FYN: variants seen among roughly 807,000 people sequenced by gnomAD.
The protein encoded by FYN is tyrosine-protein kinase Fyn.
A neutral mutation model predicts 70.2 loss-of-function variants in FYN; 10 were observed. The observed-to-expected ratio is 0.14, with a 90% confidence interval of 0.09 to 0.24. The LOEUF (loss-of-function observed/expected upper bound fraction) is 0.24, where lower values mean the gene tolerates loss of function less well. FYN is among the 10% of genes least tolerant of loss of function. FYN has a pLI of 1.00. For missense variants in FYN, 319 were observed against 673.1 expected (o/e 0.47, Z 5.82); for synonymous variants, 236 against 248.6 (o/e 0.95, Z 0.48).
rs537807472 is a variant in FYN, at chr6:111,790,040, G to A, written c.-81-9405C>T. 9.2e-5 allele frequency among the ~76,000 whole-genome samples: 14 copies of A among 152,242 alleles called. No homozygotes were observed. The East Asian group carries it at 2.5e-3, about 27-fold the overall frequency. ...CCAGAACCTTGGGGCTGAACGGAAT[G>A]TTAAAGAATAACTAGTCTGATAGTT... On this transcript the variant is annotated intron_variant, in intron 2 of 13. Coordinates refer to ENST00000354650, the MANE Select transcript of FYN (RefSeq NM_002037.5).
chr6:111,698,171 G>C (rs1323467847), intron 9 of FYN, among the ~76,000 whole-genome samples: 1 of 132,862 alleles, frequency 7.5e-6, no homozygotes, highest in African/African-American at 4.1e-5. Context: ...TGTTGCCCAG[G>C]CTGGAGTGCA....
intron 3 of FYN, among the ~76,000 whole-genome samples, chr6:111,766,324 C>T (rs748996002): frequency 1.3e-5 from 2 of 152,158 alleles, no homozygotes; most frequent in Non-Finnish European, 2.9e-5. Flanking sequence ...TCAAGCTCAC[C>T]TCCCACACCA....
At chr6:111,667,664 C>G (rs1265767063) in intron 13 of FYN, among the ~76,000 whole-genome samples, 2 of 152,240 alleles carry the variant, frequency 1.3e-5, no homozygotes, top group Admixed American at 1.3e-4. Context: ...AGTGACTTGA[C>G]TTCCCTTGAA....
intron 3 of FYN, among the ~76,000 whole-genome samples, chr6:111,775,497 C>T (rs989891643): frequency 6.6e-6 from 1 of 152,194 alleles, no homozygotes; most frequent in African/African-American, 2.4e-5. Flanking sequence ...CCCTCCTATG[C>T]ACAGGGCTGA....
chr6:111,778,451 T>C (rs1199208093), intron 3 of FYN, among the ~76,000 whole-genome samples: 1 of 152,214 alleles, frequency 6.6e-6, no homozygotes, highest in African/African-American at 2.4e-5. Context: ...CCCTGTCCCA[T>C]GGAGCACATA....
chr6:111,831,882 T>C (rs1350706713), intron 2 of FYN, among the ~76,000 whole-genome samples: 2 of 152,158 alleles, frequency 1.3e-5, no homozygotes, highest in Non-Finnish European at 2.9e-5. Context: ...ATAGATTAAA[T>C]GCCTCATCAC....
chr6:111,817,103 T>C (rs981593138), intron 2 of FYN, among the ~76,000 whole-genome samples: 2 of 152,192 alleles, frequency 1.3e-5, no homozygotes, highest in African/African-American at 2.4e-5. Flanking sequence ...AAATAGATTA[T>C]AGATTATAGA....
chr6:111,682,188 T>A (rs1798808029), intron 12 of FYN, among the ~76,000 whole-genome samples: 1 of 152,088 alleles, frequency 6.6e-6, no homozygotes, highest in Non-Finnish European at 1.5e-5. Context: ...ACAGACTTAA[T>A]CAAACTAAAC....
At chr6:111,727,748 G>T (rs1171571343) in intron 3 of FYN, among the ~76,000 whole-genome samples, 1 of 152,092 alleles carries the variant, frequency 6.6e-6, no homozygotes. Context: ...CTCTCATACC[G>T]CACAGCAAGG....
intron 3 of FYN, among the ~76,000 whole-genome samples, chr6:111,774,915 C>T (rs545171301): frequency 3.3e-5 from 5 of 152,248 alleles, no homozygotes; most frequent in Admixed American, 2.0e-4. Flanking sequence ...GATGGGGTTT[C>T]GCCATGTTGG....
intron 2 of FYN, among the ~76,000 whole-genome samples, chr6:111,803,641 T>A (rs1159550115): frequency 6.6e-6 from 1 of 151,614 alleles, no homozygotes; most frequent in Admixed American, 6.6e-5. Context: ...CATGGGGGTG[T>A]GGGGTAGGTG....
At chr6:111,822,630 ATATATAT>A (rs1463678966) in intron 2 of FYN, among the ~76,000 whole-genome samples, 1 of 151,444 alleles carries the variant, frequency 6.6e-6, no homozygotes, top group Non-Finnish European at 1.5e-5. Flanking sequence ...AAAGTATTAT[ATATATAT>A]ATAAAATTTA....
intron 1 of FYN, among the ~76,000 whole-genome samples, chr6:111,869,050 A>G (rs1774194385): frequency 6.6e-6 from 1 of 152,268 alleles, no homozygotes; most frequent in Admixed American, 6.5e-5. Flanking sequence ...ACAGATGAAT[A>G]TAATGAAGTA....
At chr6:111,766,297 C>T (rs1803225788) in intron 3 of FYN, among the ~76,000 whole-genome samples, 1 of 152,188 alleles carries the variant, frequency 6.6e-6, no homozygotes, top group Non-Finnish European at 1.5e-5. Flanking sequence ...ATGCCCTGCC[C>T]TTCCTGCCAT....
At chr6:111,834,358 A>G (rs11961779) in intron 2 of FYN, among the ~76,000 whole-genome samples, 4,552 of 152,130 alleles carry the variant, frequency 0.03, 221 homozygotes, top group African/African-American at 0.1. Flanking sequence ...TGTATGCCTC[A>G]TATTAAAAAA....
chr6:111,662,058 G>C, intron 13 of FYN, 111 bp from the exon 14 acceptor site: 1 of 832,418 alleles, frequency 1.2e-6, no homozygotes, highest in East Asian at 2.6e-5. Context: ...TAAAACATGC[G>C]GAGTACTCCC....
rs906015078 is a variant in FYN, at chr6:111,780,650, C to G, written c.-81-15G>C. 1.0e-4 allele frequency: 16 copies of G among 152,498 alleles called. No homozygotes were observed. Among genetic ancestry groups the G allele is most frequent in the African/African-American group, 3.9e-4 (16 of 41,442 alleles). 9.4% of individuals were successfully genotyped at this position (152,498 alleles called of 1,614,324 possible). ...CAGGACTGGTCCTGAAAAACAATAC[C>G]ACAACAAAAGAAAAACCACATCATT... On this transcript the variant is annotated splice_polypyrimidine_tract_variant and intron_variant, in intron 2 of 13. Coordinates refer to ENST00000354650, the MANE Select transcript of FYN (RefSeq NM_002037.5).
chr6:111,675,553 C>T (rs1798491668), intron 12 of FYN, among the ~76,000 whole-genome samples: 1 of 152,070 alleles, frequency 6.6e-6, no homozygotes, highest in Non-Finnish European at 1.5e-5. Context: ...CAGCACCTTA[C>T]AAGGCAGAGG....
chr6:111,852,245 T>C (rs1773705703), intron 1 of FYN, among the ~76,000 whole-genome samples: 4 of 152,280 alleles, frequency 2.6e-5, no homozygotes, highest in Admixed American at 2.6e-4. Context: ...TTGACATAAA[T>C]GGGGCTTGAT....
Sources: gnomAD v4.1 joint callset for allele counts (sites outside exome capture counted in the v4.1 genomes callset) on GRCh38, gnomAD v4.1.1 for gene constraint, MANE v1.5 for transcripts, NCBI Gene and HGNC (gene_info 2026-07-23, HGNC 2026-07-21) for gene names.